Variants in FNDC3B observed in about 807,000 individuals in gnomAD.
The protein encoded by FNDC3B is fibronectin type III domain-containing protein 3B.
Under a neutral mutation model 151.5 loss-of-function variants are expected in FNDC3B, and 12 were observed. That is an observed-to-expected ratio of 0.08 (90% CI 0.05 to 0.13). FNDC3B has a LOEUF of 0.13. Among genes scored for constraint, FNDC3B ranks in the 10% least tolerant of loss-of-function variants. The pLI is 1.00. For missense variants in FNDC3B, 1,214 were observed against 1,505.3 expected (o/e 0.81, Z 3.20); for synonymous variants, 528 against 549.0 (o/e 0.96, Z 0.54).
intron 1 of FNDC3B, among the ~76,000 whole-genome samples, chr3:172,062,952 G>A (rs1717289368): frequency 6.6e-6 from 1 of 152,050 alleles, no homozygotes. Context: ...ACTTTTTTTG[G>A]TGATGCCTTT....
intron 1 of FNDC3B, among the ~76,000 whole-genome samples, chr3:172,062,334 T>C (rs1212721225): frequency 6.6e-6 from 1 of 150,974 alleles, no homozygotes; most frequent in Non-Finnish European, 1.5e-5. Context: ...TTTTTTGAGA[T>C]GGAGTCTCTC....
chr3:172,355,966 T>C (rs1370832013), intron 22 of FNDC3B, among the ~76,000 whole-genome samples: 1 of 152,234 alleles, frequency 6.6e-6, no homozygotes, highest in East Asian at 1.9e-4. Flanking sequence ...GAGATTACTT[T>C]TTTTTAAACA....
chr3:172,077,705 ATAGAAATAT>A (rs1364758390), intron 1 of FNDC3B, among the ~76,000 whole-genome samples: 2 of 151,840 alleles, frequency 1.3e-5, no homozygotes, highest in African/African-American at 4.8e-5. Context: ...GCTCCCGTTT[ATAGAAATAT>A]TTGACTTTTT....
intron 3 of FNDC3B, among the ~76,000 whole-genome samples, chr3:172,221,628 G>T (rs752556151): frequency 1.3e-5 from 2 of 151,962 alleles, no homozygotes; most frequent in Non-Finnish European, 2.9e-5. Flanking sequence ...TAGCATCTGT[G>T]CTTTATTTTC....
chr3:172,110,674 A>G (rs1242290456), intron 1 of FNDC3B, among the ~76,000 whole-genome samples: 2 of 151,958 alleles, frequency 1.3e-5, no homozygotes, highest in African/African-American at 4.8e-5. Context: ...AAGACAACAG[A>G]GCCACAGTCT....
At chr3:172,099,812 A>G (rs1719291035) in intron 1 of FNDC3B, among the ~76,000 whole-genome samples, 1 of 152,024 alleles carries the variant, frequency 6.6e-6, no homozygotes, top group Non-Finnish European at 1.5e-5. Context: ...TGTCAGGTGA[A>G]CTCTAGTTGT....
chr3:172,317,427 G>C (rs968163200), intron 11 of FNDC3B, among the ~76,000 whole-genome samples: 3 of 151,778 alleles, frequency 2.0e-5, no homozygotes. Flanking sequence ...CTCGTGATCC[G>C]CCTGCCTCGG....
At chr3:172,151,057 C>G (rs1215436074) in intron 3 of FNDC3B, among the ~76,000 whole-genome samples, 1 of 152,124 alleles carries the variant, frequency 6.6e-6, no homozygotes, top group Non-Finnish European at 1.5e-5. Context: ...GTTTAAACAT[C>G]ATTGCTTCTA....
chr3:172,079,546 A>G (rs1228195340), intron 1 of FNDC3B, among the ~76,000 whole-genome samples: 4 of 152,252 alleles, frequency 2.6e-5, no homozygotes, highest in African/African-American at 4.8e-5. Flanking sequence ...GTATCTTGCA[A>G]TGATTCTTGT....
intron 3 of FNDC3B, among the ~76,000 whole-genome samples, chr3:172,212,106 T>G (rs973020562): frequency 6.6e-6 from 1 of 152,220 alleles, no homozygotes; most frequent in Non-Finnish European, 1.5e-5. Context: ...ATTTTGTTGT[T>G]GCCATGGAAG....
At chr3:172,293,020 C>CT (rs1479995698) in intron 7 of FNDC3B, among the ~76,000 whole-genome samples, 1 of 152,182 alleles carries the variant, frequency 6.6e-6, no homozygotes, top group East Asian at 1.9e-4. Flanking sequence ...TCTCAGAACA[C>CT]TTAAGAGTCC....
intron 13 of FNDC3B, 26 bp downstream of exon 13, chr3:172,330,741 T>G (rs1183590918): frequency 2.5e-6 from 4 of 1,587,052 alleles, no homozygotes; most frequent in African/African-American, 1.3e-5. Context: ...TTTATACTTC[T>G]CTGTGTTTTG....
intron 1 of FNDC3B, among the ~76,000 whole-genome samples, chr3:172,108,830 C>T (rs1046599381): frequency 6.6e-6 from 1 of 152,316 alleles, no homozygotes; most frequent in East Asian, 1.9e-4. Context: ...TATGCTTTTC[C>T]TCCTTGCCTT....
intron 23 of FNDC3B, among the ~76,000 whole-genome samples, chr3:172,374,983 CTG>C (rs1735063796): frequency 7.4e-6 from 1 of 135,770 alleles, no homozygotes; most frequent in Non-Finnish European, 1.6e-5. Flanking sequence ...TTGGAAATGA[CTG>C]TGATAAATGA....
intron 21 of FNDC3B, among the ~76,000 whole-genome samples, chr3:172,350,744 T>C (rs1733814853): frequency 6.6e-6 from 1 of 152,156 alleles, no homozygotes. Context: ...TTCCAGCTAC[T>C]CAGGAGGCTA....
At chr3:172,078,747 C>T (rs1397126837) in intron 1 of FNDC3B, among the ~76,000 whole-genome samples, 1 of 152,178 alleles carries the variant, frequency 6.6e-6, no homozygotes, top group East Asian at 1.9e-4. Context: ...TTAATGATAG[C>T]TTTCTGCCCG....
At chr3:172,118,200 T>G (rs80069879) in intron 2 of FNDC3B, among the ~76,000 whole-genome samples, 3,127 of 152,344 alleles carry the variant, frequency 0.021, 115 homozygotes, top group African/African-American at 0.072. Flanking sequence ...CAGATGGTGC[T>G]CATCATCAGC....
At chr3:172,246,895 T>C (rs1358059202) in intron 4 of FNDC3B, among the ~76,000 whole-genome samples, 1 of 152,216 alleles carries the variant, frequency 6.6e-6, no homozygotes, top group Non-Finnish European at 1.5e-5. Context: ...GGAGCAAAAG[T>C]GTCCATACTG....
chr3:172,116,141 T>A (rs969309153), intron 2 of FNDC3B, among the ~76,000 whole-genome samples: 2 of 152,210 alleles, frequency 1.3e-5, no homozygotes, highest in African/African-American at 4.8e-5. Context: ...GATTATTTTC[T>A]TAAAAAGAAA....
Sources: allele counts gnomAD v4.1 joint callset (sites outside exome capture counted in the v4.1 genomes callset), GRCh38; gene constraint gnomAD v4.1.1; transcripts MANE v1.5; gene names NCBI Gene and HGNC (gene_info 2026-07-23, HGNC 2026-07-21).